Variants in CHST9 observed in about 807,000 individuals in gnomAD.
CHST9 encodes the protein carbohydrate sulfotransferase 9.
CHST9 carries 41 observed loss-of-function variants against 44.4 expected under a neutral mutation model. The ratio of observed to expected loss-of-function variants is 0.92; its 90% CI spans 0.72 to 1.20. The LOEUF (loss-of-function observed/expected upper bound fraction) is 1.20, where lower values mean the gene tolerates loss of function less well. Ranked by LOEUF, CHST9 falls within the 50% of genes most tolerant of loss-of-function variation. The probability of loss-of-function intolerance (pLI) is 0.00; values close to 1 mark genes in which losing one functional copy is unlikely to be tolerated. For synonymous variants in CHST9, 171 were observed against 178.4 expected, an observed-to-expected ratio of 0.96 and a Z score of 0.33; for missense variants, 504 against 516.5, an observed-to-expected ratio of 0.98 and a Z score of 0.23.
Position 27,017,316 on chromosome 18 carries a change from A to G in CHST9, c.202+6800T>C, listed in dbSNP as rs74712422. ...CAAACAGATCTGTGCAAAAATGTCC[A>G]TAGCAGTCCTATTCATAATAGCCTC... On this transcript the variant is annotated intron_variant, in intron 4 of 5. Transcript: ENST00000618847. Among the ~76,000 whole-genome samples, 667 of 152,322 alleles carry G rather than the reference A, an allele frequency of 4.4e-3. 10 individuals are homozygous for G. The highest frequency in any genetic ancestry group is 0.028 in the East Asian group (144 of 5,190).
At chr18:27,003,131 T>A (rs1598630106) in intron 4 of CHST9, among the ~76,000 whole-genome samples, 1 of 152,188 alleles carries the variant, frequency 6.6e-6, no homozygotes, top group East Asian at 1.9e-4. Context: ...TTTGCGTGAA[T>A]GAAAAGTTTA....
intron 2 of CHST9, among the ~76,000 whole-genome samples, chr18:27,050,743 C>A (rs1419206051): frequency 6.6e-6 from 1 of 152,078 alleles, no homozygotes; most frequent in African/African-American, 2.4e-5. Flanking sequence ...GACAGGGTAC[C>A]TTCTCATTTA....
In CHST9 at chr18:27,016,183, G is replaced by C. The variant is rs574157170; in HGVS notation, c.202+7933C>G. 3.3e-5 allele frequency among the ~76,000 whole-genome samples: 5 copies of C among 152,336 alleles called. No individual in the cohort carries two copies. The South Asian group carries it at 1.0e-3, about 32-fold the overall frequency. On this transcript the variant is annotated intron_variant, in intron 4 of 5. Coordinates refer to ENST00000618847, the MANE Select transcript of CHST9 (RefSeq NM_031422.6). ...ACACCTCATGCTTCTTTTGTAAGGA[G>C]TGTGGCTTGGCTTATAAGCTGCTGA...
chr18:27,179,686 T>G (rs2058896382), intron 1 of CHST9, among the ~76,000 whole-genome samples: 1 of 152,084 alleles, frequency 6.6e-6, no homozygotes, highest in Non-Finnish European at 1.5e-5. Context: ...CATATCAAAC[T>G]GTATAACCTG....
intron 2 of CHST9, among the ~76,000 whole-genome samples, chr18:27,056,996 T>C (rs755803491): frequency 4.9e-4 from 75 of 152,334 alleles, no homozygotes; most frequent in Middle Eastern, 3.4e-3. Context: ...GATTTTAGGA[T>C]GCAGGCTTTA....
intron 2 of CHST9, among the ~76,000 whole-genome samples, chr18:27,055,708 G>C (rs563252202): frequency 1.1e-4 from 16 of 152,218 alleles, no homozygotes; most frequent in African/African-American, 3.6e-4. Flanking sequence ...CTGCTTATTG[G>C]TTGTCATGAG....
In CHST9 at chr18:26,921,671, CCAT is replaced by C. The variant is rs141291241; in HGVS notation, c.241-4324_241-4322del. Among the ~76,000 whole-genome samples, 390 of 151,570 alleles carry C rather than the reference CCAT, an allele frequency of 2.6e-3. 1 individual carries two copies. The highest frequency in any genetic ancestry group is 8.6e-3 in the African/African-American group (353 of 41,286). ...ATTTAAAGCTCATACCAACAAAGTC[CCAT>C]CATCATCATCATCATCATCATCTTC... is the stretch of plus-strand genomic sequence containing the variant. On this transcript the variant is annotated intron_variant, in intron 5 of 5. Transcript: ENST00000618847.
At position 26,947,742 on chromosome 18, in the gene CHST9, G is replaced by A. The variant is rs1598584491; in HGVS notation, c.203-3376C>T. 2.0e-5 allele frequency among the ~76,000 whole-genome samples: 3 copies of A among 152,180 alleles called. No homozygotes were observed. In the East Asian group the frequency reaches 5.8e-4, roughly 29 times the overall value. On this transcript the variant is annotated intron_variant, in intron 4 of 5. Coordinates refer to ENST00000618847, the MANE Select transcript of CHST9 (RefSeq NM_031422.6). ...AGAATAGCGATCATTAAAAAGTCAG[G>A]AACAACAGGTGCTGGAGATAATGTG...
intron 4 of CHST9, among the ~76,000 whole-genome samples, chr18:27,012,273 G>T (rs1451528375): frequency 6.6e-6 from 1 of 152,044 alleles, no homozygotes; most frequent in East Asian, 1.9e-4. Context: ...ATAGCCTATC[G>T]TAGACTAAAA....
chr18:27,135,838 G>T (rs77708133), intron 2 of CHST9, among the ~76,000 whole-genome samples: 1,780 of 152,332 alleles, frequency 0.012, 29 homozygotes, highest in African/African-American at 0.037. Context: ...CCACCTGAGA[G>T]TTTTATTAAA....
intron 3 of CHST9, among the ~76,000 whole-genome samples, chr18:27,044,043 T>C (rs1289896718): frequency 2.1e-5 from 3 of 139,966 alleles, no homozygotes; most frequent in African/African-American, 8.0e-5. Flanking sequence ...AACACACTCC[T>C]TTGGACAGCG....
chr18:27,133,844 G>A (rs987166429), intron 2 of CHST9, among the ~76,000 whole-genome samples: 1 of 152,180 alleles, frequency 6.6e-6, no homozygotes, highest in Non-Finnish European at 1.5e-5. Flanking sequence ...GGGAACAGCC[G>A]TGACATGGGA....
Position 27,036,664 on chromosome 18 carries a change from G to A in CHST9, c.160+11801C>T, listed in dbSNP as rs79968080. Among the ~76,000 whole-genome samples, 860 of 152,236 alleles carry A rather than the reference G, an allele frequency of 5.6e-3. 12 individuals carry two copies. Among genetic ancestry groups the A allele is most frequent in the African/African-American group, 0.019 (802 of 41,544 alleles). On this transcript the variant is annotated intron_variant, in intron 3 of 5. Transcript: ENST00000618847. Reference sequence around the variant, plus strand: ...ATATTCTAAATCTCTAAGTGCCTGGGACCAAGGACTGGGCCACGACATGAT... The same window carrying A: ...ATATTCTAAATCTCTAAGTGCCTGGAACCAAGGACTGGGCCACGACATGAT...
intron 2 of CHST9, among the ~76,000 whole-genome samples, chr18:27,126,741 A>T (rs775229919): frequency 6.6e-6 from 1 of 152,042 alleles, no homozygotes; most frequent in Non-Finnish European, 1.5e-5. Context: ...CAGGAGGATA[A>T]TCAGGCTTCA....
intron 2 of CHST9, among the ~76,000 whole-genome samples, chr18:27,074,407 A>C (rs1432536066): frequency 6.6e-6 from 1 of 152,224 alleles, no homozygotes; most frequent in Non-Finnish European, 1.5e-5. Context: ...AAATGTTTCA[A>C]GTTAATGAGA....
At chr18:27,083,158 C>T (rs1231817526) in intron 2 of CHST9, among the ~76,000 whole-genome samples, 1 of 152,104 alleles carries the variant, frequency 6.6e-6, no homozygotes, top group African/African-American at 2.4e-5. Context: ...GGTAAATACG[C>T]ACACTCATCA....
Position 26,917,291 on chromosome 18 carries a change from A to G in CHST9, c.300T>C (p.Asn100=). ...VREKKENLLL[N]SERSTRLLTK... is the part of the protein sequence containing the mutation. ...TTAAGAGCCTAGTAGATCTCTCAGA[A>G]TTGAGTAGAAGATTTTCCTTTTTTT... The change falls in exon 6 of 6, where the codon AAT becomes AAC. Residue 100 remains asparagine (N), a synonymous_variant. Coordinates refer to ENST00000618847, the MANE Select transcript of CHST9 (RefSeq NM_031422.6). 6.2e-7 allele frequency: 1 copy of G among 1,613,404 alleles called. No homozygotes were observed. The highest frequency in any genetic ancestry group is 1.1e-5 in the South Asian group (1 of 90,918).
intron 2 of CHST9, among the ~76,000 whole-genome samples, chr18:27,055,382 G>T (rs151187038): frequency 1.3e-5 from 2 of 152,046 alleles, no homozygotes; most frequent in African/African-American, 2.4e-5. Context: ...CTATACTTCC[G>T]AGTTAACTAG....
In CHST9 at chr18:27,154,519, G is replaced by A. The variant is rs566301118; in HGVS notation, c.-96-11614C>T. Among the ~76,000 whole-genome samples the A allele has an allele frequency of 2.6e-4, 40 of 152,160 alleles. 1 individual carries two copies. The East Asian group carries it at 3.1e-3, about 12-fold the overall frequency. On this transcript the variant is annotated intron_variant, in intron 1 of 5. Transcript: ENST00000618847. ...GCTTTACTTTTGGGGAAGATCACCCGGATGTGGTGTGCAAGCTGACTGAAA... is the reference window on the plus strand; with the variant it reads ...GCTTTACTTTTGGGGAAGATCACCCAGATGTGGTGTGCAAGCTGACTGAAA...
Sources: gnomAD v4.1 joint callset for allele counts (sites outside exome capture counted in the v4.1 genomes callset) on GRCh38, gnomAD v4.1.1 for gene constraint, MANE v1.5 for transcripts, NCBI Gene and HGNC (gene_info 2026-07-23, HGNC 2026-07-21) for gene names.